Variants in HDAC9 observed in about 807,000 individuals in gnomAD.
HDAC9 encodes the protein histone deacetylase 9, also known as MEF-2 interacting transcription repressor (MITR) protein.
A neutral mutation model predicts 139.4 loss-of-function variants in HDAC9; 41 were observed. That is an observed-to-expected ratio of 0.29 (90% CI 0.23 to 0.38). The LOEUF (loss-of-function observed/expected upper bound fraction) is 0.38. HDAC9 is among the 10% of genes least tolerant of loss of function. HDAC9 has a pLI of 1.00. For missense variants in HDAC9, 1,147 were observed against 1,297.0 expected (o/e 0.88, Z 1.78); for synonymous variants, 517 against 476.2 (o/e 1.09, Z -1.12).
intron 13 of HDAC9, among the ~76,000 whole-genome samples, chr7:18,748,412 C>A (rs1053374617): frequency 5.9e-5 from 9 of 152,138 alleles, no homozygotes; most frequent in African/African-American, 1.7e-4. Context: ...CTACAACATC[C>A]ATATTGGTTA....
At chr7:18,157,945 G>T (rs1407942398) in intron 1 of HDAC9, among the ~76,000 whole-genome samples, 2 of 152,052 alleles carry the variant, frequency 1.3e-5, no homozygotes, top group African/African-American at 4.8e-5. Context: ...GTGATAAACT[G>T]AGTTTTTGAA....
At chr7:18,964,367 T>C (rs1045142103) in intron 24 of HDAC9, among the ~76,000 whole-genome samples, 5 of 152,234 alleles carry the variant, frequency 3.3e-5, no homozygotes, top group African/African-American at 1.2e-4. Flanking sequence ...ATCAGATTTT[T>C]TTTTAATTTC....
intron 17 of HDAC9, among the ~76,000 whole-genome samples, chr7:18,828,151 T>C (rs1219721599): frequency 6.6e-6 from 1 of 152,192 alleles, no homozygotes; most frequent in African/African-American, 2.4e-5. Context: ...ACCTAGAGAA[T>C]AGATTAGTTT....
At chr7:18,495,641 G>A (rs1397839024), upstream of HDAC9, 10 of 687,920 alleles carry the variant, frequency 1.5e-5, no homozygotes, top group African/African-American at 1.9e-5. Context: ...GGCTCAGGCC[G>A]ACCATTGTTC....
chr7:18,628,264 T>C (rs1375532974), intron 6 of HDAC9, among the ~76,000 whole-genome samples: 1 of 152,152 alleles, frequency 6.6e-6, no homozygotes, highest in Non-Finnish European at 1.5e-5. Context: ...CCTGGCTTCA[T>C]CTCCTTTTAC....
chr7:18,136,760 T>C (rs1785451389), intron 1 of HDAC9, among the ~76,000 whole-genome samples: 1 of 151,452 alleles, frequency 6.6e-6, no homozygotes, highest in African/African-American at 2.4e-5. Flanking sequence ...TTTGTTCTTT[T>C]GGCTTAGGAT....
chr7:18,642,581 A>T (rs1336557135), intron 8 of HDAC9, among the ~76,000 whole-genome samples: 1 of 152,072 alleles, frequency 6.6e-6, no homozygotes, highest in African/African-American at 2.4e-5. Flanking sequence ...CCTCCAAAAA[A>T]TTCTGGCCCA....
chr7:18,421,546 T>G (rs965500699), intron 1 of HDAC9, among the ~76,000 whole-genome samples: 3 of 152,252 alleles, frequency 2.0e-5, no homozygotes, highest in African/African-American at 7.2e-5. Flanking sequence ...AACACAATTA[T>G]TTTTATGTCT....
At chr7:18,378,155 C>G (rs1785138809) in intron 1 of HDAC9, among the ~76,000 whole-genome samples, 1 of 152,158 alleles carries the variant, frequency 6.6e-6, no homozygotes, top group Non-Finnish European at 1.5e-5. Context: ...ACTGATAGCA[C>G]TGACTGAATG....
intron 17 of HDAC9, among the ~76,000 whole-genome samples, chr7:18,826,883 A>G (rs1304123421): frequency 6.6e-6 from 1 of 151,332 alleles, no homozygotes; most frequent in Non-Finnish European, 1.5e-5. Flanking sequence ...ATTAACATCT[A>G]CCTCTCAATA....
At chr7:18,785,291 G>A (rs1053329653) in intron 16 of HDAC9, among the ~76,000 whole-genome samples, 2 of 151,668 alleles carry the variant, frequency 1.3e-5, no homozygotes, top group African/African-American at 4.9e-5. Context: ...CAAATTCAGG[G>A]AAAGGACACT....
At chr7:18,924,076 G>A (rs541053363) in intron 22 of HDAC9, among the ~76,000 whole-genome samples, 9 of 150,752 alleles carry the variant, frequency 6.0e-5, no homozygotes, top group African/African-American at 9.8e-5. Flanking sequence ...TCTTGGCCAT[G>A]TTTGTACTGC....
intron 21 of HDAC9, among the ~76,000 whole-genome samples, chr7:18,869,193 T>TA (rs1233843010): frequency 2.9e-5 from 4 of 139,578 alleles, no homozygotes; most frequent in Non-Finnish European, 6.2e-5. Flanking sequence ...TGTGTTGCGG[T>TA]AGGGGGAAGG....
Position 18,874,563 on chromosome 7 carries a change from C to T in HDAC9, c.2770C>T (p.Pro924Ser), listed in dbSNP as rs1333490692. The change falls in exon 22 of 26, where the codon CCT becomes TCT. Residue 924 changes from proline (P) to serine (S), a missense_variant. Physicochemically the swap from Pro to Ser is moderately conservative, Grantham distance 74 (BLOSUM62 -1). This residue lies in a region of HDAC9 where 407 missense variants were observed against 521.5 expected (regional missense o/e 0.78). Coordinates refer to ENST00000686413, the MANE Select transcript of HDAC9 (RefSeq NM_178425.4). The stretch of plus-strand genomic sequence containing the variant: ...ATTTGATGCATTGGAAGGCCACACC[C>T]CTCCTCTAGGAGGGTACAAAGTGAC... The part of the protein sequence containing the change: ...AGFDALEGHT[P>S]PLGGYKVTAK... 6.3e-7 allele frequency: 1 copy of T among 1,593,036 alleles called. No individual in the cohort carries two copies. Among genetic ancestry groups the T allele is most frequent in the Admixed American group, 1.7e-5 (1 of 57,444 alleles).
intron 22 of HDAC9, among the ~76,000 whole-genome samples, chr7:18,922,576 G>A (rs967230169): frequency 2.6e-5 from 4 of 152,014 alleles, no homozygotes; most frequent in African/African-American, 9.7e-5. Context: ...TCACAAATCT[G>A]CATTTTAACA....
At chr7:18,885,851 A>G (rs1159648426) in intron 22 of HDAC9, among the ~76,000 whole-genome samples, 1 of 152,196 alleles carries the variant, frequency 6.6e-6, no homozygotes, top group East Asian at 1.9e-4. Flanking sequence ...TTTCTCATGG[A>G]GCATTTTTCA....
At chr7:18,176,962 G>T (rs778688062) in intron 2 of HDAC9, among the ~76,000 whole-genome samples, 1 of 152,118 alleles carries the variant, frequency 6.6e-6, no homozygotes, top group African/African-American at 2.4e-5. Flanking sequence ...ATAGATATTG[G>T]AAAAATAATA....
At chr7:18,186,162 C>G (rs1055626180) in intron 2 of HDAC9, among the ~76,000 whole-genome samples, 1 of 152,150 alleles carries the variant, frequency 6.6e-6, no homozygotes, top group Admixed American at 6.5e-5. Context: ...TTCTTGTTAT[C>G]GACTGGGCCA....
intron 2 of HDAC9, among the ~76,000 whole-genome samples, chr7:18,182,353 G>A (rs1246767794): frequency 1.3e-5 from 2 of 152,194 alleles, no homozygotes; most frequent in African/African-American, 2.4e-5. Context: ...AGTATTAGGA[G>A]CAGGCTTCTG....
Sources: allele counts gnomAD v4.1 joint callset (sites outside exome capture counted in the v4.1 genomes callset), GRCh38; gene constraint gnomAD v4.1.1; regional missense constraint gnomAD v4.1.1; transcripts MANE v1.5; gene names NCBI Gene and HGNC (gene_info 2026-07-23, HGNC 2026-07-21).